Variants in KIAA1217 observed in about 807,000 individuals in gnomAD.
KIAA1217 encodes the protein KIAA1217, also known as sickle tail protein homolog.
In KIAA1217, 88 loss-of-function variants were observed where a neutral mutation model predicts 163.9. The ratio of observed to expected loss-of-function variants is 0.54; its 90% CI spans 0.45 to 0.64. The LOEUF (loss-of-function observed/expected upper bound fraction) is 0.64, where lower values mean the gene tolerates loss of function less well. KIAA1217 is among the 30% of genes least tolerant of loss of function. The pLI, the probability that KIAA1217 is intolerant of heterozygous loss-of-function variation, is 0.00. For missense variants in KIAA1217, 2,372 were observed against 2,475.0 expected (o/e 0.96, Z 0.88); for synonymous variants, 903 against 923.1 (o/e 0.98, Z 0.39).
intron 2 of KIAA1217, among the ~76,000 whole-genome samples, chr10:24,231,297 C>T (rs1440938708): frequency 6.6e-6 from 1 of 152,024 alleles, no homozygotes; most frequent in Non-Finnish European, 1.5e-5. Flanking sequence ...GCCTGGGTAA[C>T]GGAGTGCGAC....
At chr10:24,351,909 A>G (rs955870043) in intron 2 of KIAA1217, among the ~76,000 whole-genome samples, 6 of 152,180 alleles carry the variant, frequency 3.9e-5, no homozygotes, top group African/African-American at 7.2e-5. Context: ...TCTATCCACA[A>G]GCCACCACCC....
chr10:23,786,454 T>G (rs1835497446), intron 1 of KIAA1217, among the ~76,000 whole-genome samples: 1 of 152,004 alleles, frequency 6.6e-6, no homozygotes, highest in Non-Finnish European at 1.5e-5. Flanking sequence ...CATTATTTTA[T>G]TGTCTTGACT....
At chr10:23,835,888 T>C (rs916406773) in intron 1 of KIAA1217, among the ~76,000 whole-genome samples, 1 of 152,166 alleles carries the variant, frequency 6.6e-6, no homozygotes, top group Non-Finnish European at 1.5e-5. Context: ...GTTTTTGTTG[T>C]TTTTTAAGCT....
chr10:23,994,084 T>C (rs1846353513), intron 1 of KIAA1217, among the ~76,000 whole-genome samples: 1 of 152,262 alleles, frequency 6.6e-6, no homozygotes, highest in East Asian at 1.9e-4. Context: ...TGGGGATCCC[T>C]AGAGGGAAAG....
At chr10:23,856,652 G>T (rs1389259029) in intron 1 of KIAA1217, among the ~76,000 whole-genome samples, 1 of 152,246 alleles carries the variant, frequency 6.6e-6, no homozygotes, top group Non-Finnish European at 1.5e-5. Flanking sequence ...TTGAGCTGTG[G>T]TGGGCACCAC....
chr10:24,388,990 A>G (rs992116478), intron 3 of KIAA1217, among the ~76,000 whole-genome samples: 1 of 152,064 alleles, frequency 6.6e-6, no homozygotes, highest in Non-Finnish European at 1.5e-5. Context: ...TGTGGAAGAC[A>G]GTGTGGTGAT....
intron 2 of KIAA1217, among the ~76,000 whole-genome samples, chr10:24,233,277 A>G (rs141383974): frequency 9.3e-4 from 141 of 152,302 alleles, no homozygotes; most frequent in African/African-American, 3.2e-3. Context: ...AAGAGGTGCC[A>G]GGCTCTTTTT....
chr10:23,752,546 T>A (rs1249098585), intron 1 of KIAA1217, among the ~76,000 whole-genome samples: 1 of 152,230 alleles, frequency 6.6e-6, no homozygotes, highest in Non-Finnish European at 1.5e-5. Context: ...AATAACCACA[T>A]ATAACGTTCA....
chr10:24,078,118 T>C (rs1038574196), intron 2 of KIAA1217, among the ~76,000 whole-genome samples: 12 of 152,224 alleles, frequency 7.9e-5, no homozygotes, highest in African/African-American at 2.9e-4. Flanking sequence ...ATTGCAAACA[T>C]TTTCTCTCAT....
At chr10:23,929,538 C>A (rs1843167459) in intron 1 of KIAA1217, among the ~76,000 whole-genome samples, 1 of 152,116 alleles carries the variant, frequency 6.6e-6, no homozygotes, top group African/African-American at 2.4e-5. Flanking sequence ...TGTTCAGCTC[C>A]CACTTGTAAG....
At chr10:23,704,476 G>A (rs974348402) in intron 1 of KIAA1217, among the ~76,000 whole-genome samples, 2 of 151,690 alleles carry the variant, frequency 1.3e-5, no homozygotes, top group South Asian at 4.2e-4. Context: ...CAGCCTGTCA[G>A]CCCCTGAAAA....
rs949642039 is a variant in KIAA1217, at chr10:23,918,788, A to G, written c.-320-88437A>G. On this transcript the variant is annotated intron_variant, in intron 1 of 18. Transcript: ENST00000376462. ...CACATATATAGTAAGTGACAATAACAGCACCCCTTTTTCCTCCCCAGTAAA... is the reference window on the plus strand; with the variant it reads ...CACATATATAGTAAGTGACAATAACGGCACCCCTTTTTCCTCCCCAGTAAA... 3.3e-5 allele frequency among the ~76,000 whole-genome samples: 5 copies of G among 151,928 alleles called. No homozygotes were observed. In the South Asian group the frequency reaches 1.0e-3, roughly 32 times the overall value.
chr10:24,138,522 G>A (rs2063922853), intron 2 of KIAA1217, among the ~76,000 whole-genome samples: 1 of 151,642 alleles, frequency 6.6e-6, no homozygotes, highest in Admixed American at 6.6e-5. Context: ...GTGTTTTTAT[G>A]TTATTGTAAG....
intron 1 of KIAA1217, among the ~76,000 whole-genome samples, chr10:23,816,390 TCAAG>T (rs1192690551): frequency 6.6e-6 from 1 of 152,128 alleles, no homozygotes; most frequent in African/African-American, 2.4e-5. Flanking sequence ...CCTCCTGGGT[TCAAG>T]CAATTCTCCT....
At chr10:24,230,425 C>T (rs2071213165) in intron 2 of KIAA1217, among the ~76,000 whole-genome samples, 3 of 150,424 alleles carry the variant, frequency 2.0e-5, no homozygotes, top group Admixed American at 1.3e-4. Flanking sequence ...TATTGAATTT[C>T]AAGATTAGGG....
intron 1 of KIAA1217, among the ~76,000 whole-genome samples, chr10:23,978,877 G>A (rs764878182): frequency 5.9e-5 from 9 of 152,222 alleles, no homozygotes; most frequent in Non-Finnish European, 7.4e-5. Flanking sequence ...GCTAACCAAC[G>A]TGTTCTACCT....
intron 1 of KIAA1217, among the ~76,000 whole-genome samples, chr10:23,773,408 C>G (rs1834879716): frequency 6.6e-6 from 1 of 151,576 alleles, no homozygotes; most frequent in Non-Finnish European, 1.5e-5. Context: ...ATGCCTCCAG[C>G]TTTGTTCTTT....
intron 1 of KIAA1217, among the ~76,000 whole-genome samples, chr10:23,891,290 C>A (rs1841406254): frequency 6.6e-6 from 1 of 151,740 alleles, no homozygotes; most frequent in African/African-American, 2.4e-5. Flanking sequence ...TCCCTTTATT[C>A]TTTTAATGTT....
chr10:24,439,417 T>C (rs1591952748), intron 5 of KIAA1217, among the ~76,000 whole-genome samples: 1 of 152,336 alleles, frequency 6.6e-6, no homozygotes, highest in East Asian at 1.9e-4. Context: ...ACCCAGGCAC[T>C]GTTCTGTCTT....
Sources: gnomAD v4.1 joint callset for allele counts (sites outside exome capture counted in the v4.1 genomes callset) on GRCh38, gnomAD v4.1.1 for gene constraint, MANE v1.5 for transcripts, NCBI Gene and HGNC (gene_info 2026-07-23, HGNC 2026-07-21) for gene names.